GPR179: variants seen among roughly 807,000 people sequenced by gnomAD.
GPR179 encodes probable G protein-coupled receptor 179.
A neutral mutation model predicts 70.8 loss-of-function variants in GPR179; 52 were observed. That is an observed-to-expected ratio of 0.73 (90% confidence interval 0.59 to 0.93). The LOEUF (loss-of-function observed/expected upper bound fraction) is 0.93. Among genes scored for constraint, GPR179 ranks in the 40% least tolerant of loss-of-function variants. The pLI is 0.00. For missense variants in GPR179, 2,734 were observed against 2,966.8 expected, an observed-to-expected ratio of 0.92 and a Z score of 1.82; for synonymous variants, 1,123 against 1,169.0, an observed-to-expected ratio of 0.96 and a Z score of 0.80.
rs755963388 is a variant in GPR179, at chr17:38,329,203, C to G, written c.4366G>C (p.Gly1456Arg). The G allele has an allele frequency of 6.2e-7, 1 of 1,614,002 alleles. No homozygotes were observed. Among genetic ancestry groups the G allele is most frequent in the South Asian group, 1.1e-5 (1 of 91,058 alleles). ...PGSSECSGSL[G>R]SGIAEVCLWE... ...AGACACACTTCAGCAATGCCACTGC[C>G]CAAACTCCCTGAACACTCTGAGCTT... is the stretch of plus-strand genomic sequence containing the variant. The change falls in exon 11 of 11, where the codon GGC becomes CGC. Residue 1456 changes from glycine to arginine, a missense_variant. Transcript: ENST00000616987.
rs570941551 is a variant in GPR179, at chr17:38,334,998, C to T, written c.1645+35G>A. ...AACCCTGGAGGCACAGAGGCAGGGA[C>T]CAGCGTAAGGCTGGGCTCAGCAGAA... On this transcript the variant is annotated intron_variant, in intron 7 of 10. Transcript: ENST00000616987. The surrounding 1 kb of genome is among the most constrained non-coding windows in gnomAD (Gnocchi z 4.7). 5 of 1,590,912 alleles carry T rather than the reference C, an allele frequency of 3.1e-6. No individual in the cohort carries two copies. The highest frequency in any genetic ancestry group is 4.3e-6 in the Non-Finnish European group (5 of 1,161,530).
At position 38,334,929 on chromosome 17, in the gene GPR179, G is replaced by C; in HGVS notation, c.1646-87C>G. The C allele has an allele frequency of 6.3e-7, 1 of 1,594,800 alleles. No homozygotes were observed. The highest frequency in any genetic ancestry group is 8.6e-7 in the Non-Finnish European group (1 of 1,166,426). The stretch of plus-strand genomic sequence containing the variant: ...CTGAAAGATGTGCTGGGGGGAGCCT[G>C]GGCTCGGGGTCTGGGGACAAGTCAG... On this transcript the variant is annotated intron_variant, in intron 7 of 10. Transcript: ENST00000616987. This position sits in a 1 kb window ranked among gnomAD's most constrained non-coding sequence, Gnocchi z 4.7.
rs1459082875 is a variant in GPR179 at position 38,327,247 on chromosome 17, C to T, written c.6322G>A (p.Glu2108Lys). The T allele has an allele frequency of 6.2e-7, 1 of 1,614,134 alleles. No individual in the cohort carries two copies. Among genetic ancestry groups the T allele is most frequent in the East Asian group, 2.2e-5 (1 of 44,904 alleles). The change falls in exon 11 of 11, where the codon GAG becomes AAG. Residue 2108 changes from glutamate (E) to lysine (K), a missense_variant. Physicochemically the swap from Glu to Lys is moderately conservative, Grantham distance 56. Transcript: ENST00000616987. ...AGACACACTTCCGCTACCCTGGTCT[C>T]CACACTGCCTGCTGCCTCAGAACTG... ...RGSSEAAGSV[E>K]TRVAEVCLWE...
Position 38,331,528 on chromosome 17 carries a change from C to T in GPR179, c.2041G>A (p.Glu681Lys), listed in dbSNP as rs756014456. The T allele has an allele frequency of 4.3e-5, 69 of 1,598,718 alleles. No individual in the cohort carries two copies. The highest frequency in any genetic ancestry group is 7.8e-5 in the South Asian group (7 of 89,320). ...HSLDPGDIRD[E>K]LKKLYAQLEV... ...AGCTGGGCATAGAGCTTCTTCAGCT[C>T]GTCCTGTGGGGCAGCAGGGAGGAAA... The change falls in exon 11 of 11, where the codon GAG becomes AAG. Residue 681 changes from glutamate to lysine, a missense_variant. Glu to Lys is a moderately conservative substitution (Grantham distance 56). Transcript: ENST00000616987.
In GPR179 at chr17:38,339,439, A is replaced by G; in HGVS notation, c.881T>C (p.Leu294Pro). The G allele has an allele frequency of 6.2e-7, 1 of 1,612,666 alleles. No homozygotes were observed. The highest frequency in any genetic ancestry group is 8.5e-7 in the Non-Finnish European group (1 of 1,178,746). Residue 294 changes from leucine to proline, a missense_variant, in exon 2 of 11, where the codon CTG (leucine) becomes CCG (proline). Leu to Pro is a moderately conservative substitution (Grantham distance 98, BLOSUM62 -3). Coordinates refer to ENST00000616987, the MANE Select transcript of GPR179 (RefSeq NM_001004334.4). ...SGPGWYSNTH[L>P]CDLNSTQCVP... ...TACCTGGGTGCTGTTGAGATCACAC[A>G]GGTGTGTGTTAGAGTACCAGCCTGG... is the stretch of plus-strand genomic sequence containing the variant.
chr17:38,337,683 C>T lies in GPR179; in HGVS notation c.941G>A (p.Arg314His), dbSNP rs201014514. ...PLESQGFVLG[R>H]YLCRCRPGFY... The stretch of plus-strand genomic sequence containing the variant: ...TCCAGGTCGGCAGCGGCAGAGGTAG[C>T]GGCCAAGAACAAAGCCCTGACTCTC... Residue 314 changes from arginine (R) to histidine (H), a missense_variant, in exon 3 of 11, where the codon CGC becomes CAC. Transcript: ENST00000616987. 77 of 1,613,548 alleles carry T rather than the reference C, an allele frequency of 4.8e-5. No homozygotes were observed. The highest frequency in any genetic ancestry group is 1.7e-4 in the Middle Eastern group (1 of 6,050).
At chr17:38,332,320 T>G (rs2037367065) in intron 10 of GPR179, among the ~76,000 whole-genome samples, 1 of 152,194 alleles carries the variant, frequency 6.6e-6, no homozygotes, top group East Asian at 1.9e-4. Context: ...GTTCCTAGAC[T>G]CTGGATTGTA....
Position 38,343,043 on chromosome 17 carries a change from G to A in GPR179, c.747C>T (p.Leu249=). The change falls in exon 1 of 11, where the codon CTC becomes CTT. Residue 249 remains leucine (L), a synonymous_variant. Transcript: ENST00000616987. This position sits in a 1 kb window ranked among gnomAD's most constrained non-coding sequence, Gnocchi z 4.2. ...GCTTGAGTCCATAGAAGGTGGCAGA[G>A]AGTGTGATCAGCCATCCAGGTCGGA... ...GRLRPGWLIT[L]SATFYGLKPD... The A allele has an allele frequency of 6.2e-7, 1 of 1,613,654 alleles. No homozygotes were observed. Among genetic ancestry groups the A allele is most frequent in the Non-Finnish European group, 8.5e-7 (1 of 1,179,700 alleles).
chr17:38,329,426 A>G lies in GPR179; in HGVS notation c.4143T>C (p.Cys1381=), dbSNP rs1296835110. 1 of 1,613,962 alleles carries G rather than the reference A, an allele frequency of 6.2e-7. No individual in the cohort carries two copies. Among genetic ancestry groups the G allele is most frequent in the Non-Finnish European group, 8.5e-7 (1 of 1,179,990 alleles). ...HTPDITKAEP[C]PWEASEGGED... is the part of the protein sequence containing the mutation. Reference sequence around the variant, plus strand: ...CGCCTCCTTCACTTGCCTCCCAGGGACACGGCTCTGCCTTGGTGATGTCAG... The same window carrying G: ...CGCCTCCTTCACTTGCCTCCCAGGGGCACGGCTCTGCCTTGGTGATGTCAG... Residue 1381 remains cysteine (C), a synonymous_variant, in exon 11 of 11, where the codon TGT becomes TGC. Transcript: ENST00000616987.
intron 2 of GPR179, 196 bp downstream of exon 2, chr17:38,339,220 TG>T (rs1241508267): frequency 1.9e-6 from 1 of 515,914 alleles, no homozygotes; most frequent in Admixed American, 3.6e-5. Context: ...GAATAGGGGG[TG>T]GGGGGGCAGG....
In GPR179 at chr17:38,334,737, T is replaced by G. The variant is rs756900278; in HGVS notation, c.1751A>C (p.Glu584Ala). 1.4e-5 allele frequency: 22 copies of G among 1,613,680 alleles called. No homozygotes were observed. In the Admixed American group the frequency reaches 3.5e-4, roughly 26 times the overall value. The change falls in exon 8 of 11, where the codon GAG (glutamate) becomes GCG (alanine). Residue 584 changes from glutamate (E) to alanine (A), a missense_variant. Coordinates refer to ENST00000616987, the MANE Select transcript of GPR179 (RefSeq NM_001004334.4). The surrounding 1 kb of genome is among the most constrained non-coding windows in gnomAD (Gnocchi z 4.7). ...GTGGAAGGCAGCGGAAAGCAGTAGC[T>G]CATTGTGCAGGGCGATGCCCATGTA... ...PRYMGIALHN[E>A]LLLSAAFHTA...
chr17:38,326,535 C>T lies in GPR179; in HGVS notation c.7034G>A (p.Gly2345Asp). The change falls in exon 11 of 11, where the codon GGC becomes GAC. Residue 2345 changes from glycine to aspartate, a missense_variant. By Grantham distance (94) the Gly-to-Asp change is moderately conservative. Coordinates refer to ENST00000616987, the MANE Select transcript of GPR179 (RefSeq NM_001004334.4). ...ATACTGAGCTTCAAAAGCCACTTGGCCTGAGTCTTCAGTTAAGGACGAAGA... is the reference window on the plus strand; with the variant it reads ...ATACTGAGCTTCAAAAGCCACTTGGTCTGAGTCTTCAGTTAAGGACGAAGA... ...SQSSSLTEDS[G>D]QVAFEAQYEE... The T allele has an allele frequency of 6.2e-7, 1 of 1,614,134 alleles. No individual in the cohort carries two copies. The highest frequency in any genetic ancestry group is 8.5e-7 in the Non-Finnish European group (1 of 1,179,990).
Position 38,337,325 on chromosome 17 carries a change from G to A in GPR179, c.992-112C>T, listed in dbSNP as rs532471611. Reference sequence around the variant, plus strand: ...CTCTCCCTGTTCTCCTGTGATCTGGGGCTCCAGGGACAAGTGGGAATGGGT... The same window carrying A: ...CTCTCCCTGTTCTCCTGTGATCTGGAGCTCCAGGGACAAGTGGGAATGGGT... On this transcript the variant is annotated intron_variant, in intron 3 of 10. Transcript: ENST00000616987. 81 of 1,391,850 alleles carry A rather than the reference G, an allele frequency of 5.8e-5. No individual in the cohort carries two copies. In the African/African-American group the frequency reaches 1.2e-3, roughly 20 times the overall value. The allele number at this position is 1,391,850 out of a possible 1,614,324, so 86.2% of individuals were successfully genotyped here.
rs368870706 is a variant in GPR179 at position 38,327,079 on chromosome 17, C to G, written c.6490G>C (p.Gly2164Arg). The stretch of plus-strand genomic sequence containing the variant: ...GCTTTTGAGAAGTGTTCTTCCGTCC[C>G]TCCAGGTCCTGCCTTCTGAAGGAAC... ...EMFLQKAGPG[G>R]TEEHFSKAAA... The change falls in exon 11 of 11, where the codon GGG (glycine) becomes CGG (arginine). Residue 2164 changes from glycine to arginine, a missense_variant. By Grantham distance (125) the Gly-to-Arg change is moderately radical. Coordinates refer to ENST00000616987, the MANE Select transcript of GPR179 (RefSeq NM_001004334.4). The G allele has an allele frequency of 3.0e-5, 49 of 1,614,130 alleles. No individual in the cohort carries two copies. The highest frequency in any genetic ancestry group is 4.2e-5 in the Non-Finnish European group (49 of 1,180,060).
intron 9 of GPR179, 91 bp downstream of exon 9, chr17:38,333,842 G>A (rs2037379899): frequency 1.1e-6 from 1 of 943,538 alleles, no homozygotes; most frequent in Admixed American, 2.5e-5. Flanking sequence ...CCTCACCCTG[G>A]CCTGCAGAGG....
At chr17:38,341,883 C>T (rs1369540889) in intron 1 of GPR179, among the ~76,000 whole-genome samples, 2 of 152,014 alleles carry the variant, frequency 1.3e-5, no homozygotes, top group African/African-American at 4.8e-5. Context: ...TTTGGGAGGC[C>T]GAGGCGGGCA....
chr17:38,338,799 A>C (rs1452754415), intron 2 of GPR179, among the ~76,000 whole-genome samples: 3 of 152,192 alleles, frequency 2.0e-5, no homozygotes, highest in Admixed American at 6.5e-5. Context: ...CCAGTTTCCC[A>C]GTACTGGGTT....
intron 4 of GPR179, 40 bp downstream of exon 4, chr17:38,336,938 G>T: frequency 1.3e-6 from 2 of 1,535,008 alleles, no homozygotes; most frequent in Non-Finnish European, 1.8e-6. Flanking sequence ...CAGTTGAGAT[G>T]GGTCGGACAT....
In GPR179 at chr17:38,328,313, C is replaced by T; in HGVS notation, c.5256G>A (p.Gln1752=). The T allele has an allele frequency of 1.2e-6, 2 of 1,614,080 alleles. No homozygotes were observed. The highest frequency in any genetic ancestry group is 1.7e-6 in the Non-Finnish European group (2 of 1,180,022). ...CCACCTCCCACTCTGGGGTTGGCTT[C>T]TGTGGCTTCTCTGGAGCAGTAACAG... ...ERAVTAPEKP[Q]KPTPEWEVAC... is the part of the protein sequence containing the mutation. Residue 1752 remains glutamine (Q), a synonymous_variant, in exon 11 of 11, where the codon CAG becomes CAA. Transcript: ENST00000616987.
Sources: gnomAD v4.1 joint callset for allele counts (sites outside exome capture counted in the v4.1 genomes callset) on GRCh38, gnomAD v4.1.1 for gene constraint, Gnocchi (gnomAD v3.1) non-coding constraint, MANE v1.5 for transcripts, NCBI Gene and HGNC (gene_info 2026-07-23, HGNC 2026-07-21) for gene names.